OR5A1: variants seen among roughly 807,000 people sequenced by gnomAD.
OR5A1 encodes olfactory receptor family 5 subfamily A member 1.
A neutral mutation model predicts 6.7 loss-of-function variants in OR5A1; 6 were observed. The observed-to-expected ratio is 0.89, with a 90% confidence interval of 0.49 to 1.76. The LOEUF is 1.76. Ranked by LOEUF, OR5A1 falls within the 40% of genes most tolerant of loss-of-function variation. The probability of loss-of-function intolerance (pLI) is 0.01; values close to 1 mark genes in which losing one functional copy is unlikely to be tolerated. For synonymous variants in OR5A1, 170 were observed against 155.0 expected, an observed-to-expected ratio of 1.10 and a Z score of -0.72; for missense variants, 378 against 381.7, an observed-to-expected ratio of 0.99 and a Z score of 0.08.
In OR5A1 at chr11:59,443,720, C is replaced by T. The variant is rs1340579158; in HGVS notation, c.552C>T (p.Leu184=). 2 of 1,614,076 alleles carry T rather than the reference C, an allele frequency of 1.2e-6. No individual in the cohort carries two copies. Among genetic ancestry groups the T allele is most frequent in the Admixed American group, 1.7e-5 (1 of 60,026 alleles). ...PNIINHFFCD[L]PPVLALSCSD... is the part of the protein sequence containing the mutation. Reference sequence around the variant, plus strand: ...TCATCAACCACTTCTTCTGCGACCTCCCACCAGTCCTGGCTCTGTCTTGCT... The same window carrying T: ...TCATCAACCACTTCTTCTGCGACCTTCCACCAGTCCTGGCTCTGTCTTGCT... The change falls in exon 2 of 2, where the codon CTC becomes CTT. Residue 184 remains leucine, a synonymous_variant. Transcript: ENST00000641045.
At chr11:59,437,313 CCT>C (rs745818441) in intron 1 of OR5A1, among the ~76,000 whole-genome samples, 3 of 152,112 alleles carry the variant, frequency 2.0e-5, no homozygotes, top group Non-Finnish European at 4.4e-5. Context: ...TCCTAAAAAC[CCT>C]CTGTGCTCTC....
chr11:59,438,577 G>C (rs2134533886), intron 1 of OR5A1, among the ~76,000 whole-genome samples: 1 of 152,146 alleles, frequency 6.6e-6, no homozygotes, highest in Non-Finnish European at 1.5e-5. Context: ...GCCCAATATT[G>C]GTTCTTCTCT....
chr11:59,450,607 T>C lies in OR5A1; in HGVS notation c.*6491T>C, dbSNP rs2134542643. The C allele has an allele frequency of 6.6e-6, 1 of 152,316 alleles. No homozygotes were observed. Among genetic ancestry groups the C allele is most frequent in the East Asian group, 1.9e-4 (1 of 5,184 alleles). The allele number at this position is 152,316 out of a possible 1,614,324, so 9.4% of individuals were successfully genotyped here. On this transcript the variant is annotated 3_prime_UTR_variant, in exon 2 of 2. Transcript: ENST00000641045. ...TTCTGATTTTCATAATCAGAAGCCA[T>C]TTAAAATCATTTTTTTAATTAGACA...
chr11:59,444,151 GAGAATT>G lies in OR5A1; in HGVS notation c.*37_*42del. On this transcript the variant is annotated 3_prime_UTR_variant, in exon 2 of 2. Coordinates refer to ENST00000641045, the MANE Select transcript of OR5A1 (RefSeq NM_001004728.2). ...AGAAACTTATTTATCCAAACTGCTG[GAGAATT>G]AAACAATCCAAGCCTTCACCTCCAC... 6.9e-7 allele frequency: 1 copy of G among 1,444,112 alleles called. No homozygotes were observed. The highest frequency in any genetic ancestry group is 9.6e-7 in the Non-Finnish European group (1 of 1,039,272). The allele number at this position is 1,444,112 out of a possible 1,614,324, so 89.5% of individuals were successfully genotyped here. A position where few individuals can be genotyped will look rare whatever the true frequency, so the allele number is the denominator to read the frequency against.
Position 59,445,944 on chromosome 11 carries a change from G to T in OR5A1, c.*1828G>T, listed in dbSNP as rs191498681. 9.9e-5 allele frequency: 15 copies of T among 152,208 alleles called. No homozygotes were observed. In the East Asian group the frequency reaches 2.9e-3, roughly 29 times the overall value. The allele number at this position is 152,208 out of a possible 1,614,324, so 9.4% of individuals were successfully genotyped here. On this transcript the variant is annotated 3_prime_UTR_variant, in exon 2 of 2. Transcript: ENST00000641045. ...TTTTCTCCCATTCTGTAGGTTGTCTGTTCATTCTAATGATAGCTTCTTTTG... is the reference window on the plus strand; with the variant it reads ...TTTTCTCCCATTCTGTAGGTTGTCTTTTCATTCTAATGATAGCTTCTTTTG...
chr11:59,443,777 C>A lies in OR5A1; in HGVS notation c.609C>A (p.Phe203Leu). 6.2e-7 allele frequency: 1 copy of A among 1,614,118 alleles called. No individual in the cohort carries two copies. The highest frequency in any genetic ancestry group is 8.5e-7 in the Non-Finnish European group (1 of 1,180,016). The change falls in exon 2 of 2, where the codon TTC becomes TTA. Residue 203 changes from phenylalanine (F) to leucine (L), a missense_variant. Physicochemically the swap from Phe to Leu is conservative, Grantham distance 22. Transcript: ENST00000641045. ...SDTFLSQVVN[F>L]LVVVTVGGTS... Reference sequence around the variant, plus strand: ...CCTTCCTCAGTCAAGTGGTGAATTTCCTCGTGGTGGTCACTGTCGGAGGAA... The same window carrying A: ...CCTTCCTCAGTCAAGTGGTGAATTTACTCGTGGTGGTCACTGTCGGAGGAA...
At chr11:59,440,091 T>C (rs1373158092) in intron 1 of OR5A1, among the ~76,000 whole-genome samples, 1 of 152,140 alleles carries the variant, frequency 6.6e-6, no homozygotes, top group African/African-American at 2.4e-5. Flanking sequence ...TGAGACAAGG[T>C]CTCCCTTTGT....
At position 59,444,124 on chromosome 11, in the gene OR5A1, G is replaced by T. The variant is rs371898839; in HGVS notation, c.*8G>T. On this transcript the variant is annotated 3_prime_UTR_variant, in exon 2 of 2. Transcript: ENST00000641045. The stretch of plus-strand genomic sequence containing the variant: ...AAGAAAGTGTTTTCTTAGGTCATGC[G>T]TAGAAACTTATTTATCCAAACTGCT... 2 of 1,576,090 alleles carry T rather than the reference G, an allele frequency of 1.3e-6. No individual in the cohort carries two copies. Among genetic ancestry groups the T allele is most frequent in the Non-Finnish European group, 1.7e-6 (2 of 1,148,782 alleles).
rs1194330481 is a variant in OR5A1, at chr11:59,449,477, GAC to G, written c.*5365_*5366del. 2 of 152,066 alleles carry G rather than the reference GAC, an allele frequency of 1.3e-5. No homozygotes were observed. The highest frequency in any genetic ancestry group is 2.9e-5 in the Non-Finnish European group (2 of 68,020). The allele number at this position is 152,066 out of a possible 1,614,324, so 9.4% of individuals were successfully genotyped here. A position where few individuals can be genotyped will look rare whatever the true frequency, so the allele number is the denominator to read the frequency against. On this transcript the variant is annotated 3_prime_UTR_variant, in exon 2 of 2. Coordinates refer to ENST00000641045, the MANE Select transcript of OR5A1 (RefSeq NM_001004728.2). ...TAACCTAAAATACTGGGCTTCCTAA[GAC>G]ACATTCAAATAAGGTAATTTTTCAA...
Position 59,443,512 on chromosome 11 carries a change from GCCT to G in OR5A1, c.351_353del (p.Leu118del). ...TTTGTCGGCATGGGTCTGTCTGAGT[GCCT>G]CCTCCTGACTGCTATGGCATACGAC... On this transcript the variant is annotated inframe_deletion, in exon 2 of 2. Transcript: ENST00000641045. 1 of 1,613,904 alleles carries G rather than the reference GCCT, an allele frequency of 6.2e-7. No individual in the cohort carries two copies. The highest frequency in any genetic ancestry group is 2.2e-5 in the East Asian group (1 of 44,874).
chr11:59,443,994 G>T lies in OR5A1; in HGVS notation c.826G>T (p.Val276Leu), dbSNP rs2134538210. 2 of 1,614,128 alleles carry T rather than the reference G, an allele frequency of 1.2e-6. No homozygotes were observed. The highest frequency in any genetic ancestry group is 1.3e-5 in the African/African-American group (1 of 75,004). Reference sequence around the variant, plus strand: ...CAGCTACTTGCTAGGCAGGGACAAGGTGGTGTCTGTTTTCTATTCATTGGT... The same window carrying T: ...CAGCTACTTGCTAGGCAGGGACAAGTTGGTGTCTGTTTTCTATTCATTGGT... Reference protein sequence around the residue: ...SSSYLLGRDKVVSVFYSLVIP... With the variant: ...SSSYLLGRDKLVSVFYSLVIP... The change falls in exon 2 of 2, where the codon GTG (valine) becomes TTG (leucine). Residue 276 changes from valine (V) to leucine (L), a missense_variant. By Grantham distance (32) the Val-to-Leu change is conservative. Transcript: ENST00000641045.
In OR5A1 at chr11:59,443,733, G is replaced by A; in HGVS notation, c.565G>A (p.Ala189Thr). The A allele has an allele frequency of 6.2e-7, 1 of 1,614,020 alleles. No individual in the cohort carries two copies. Among genetic ancestry groups the A allele is most frequent in the Middle Eastern group, 1.6e-4 (1 of 6,062 alleles). The change falls in exon 2 of 2, where the codon GCT becomes ACT. Residue 189 changes from alanine to threonine, a missense_variant. Physicochemically the swap from Ala to Thr is moderately conservative, Grantham distance 58 (BLOSUM62 0). Transcript: ENST00000641045. ...CTTCTGCGACCTCCCACCAGTCCTG[G>A]CTCTGTCTTGCTCTGACACCTTCCT... The part of the protein sequence containing the change: ...HFFCDLPPVL[A>T]LSCSDTFLSQ...
In OR5A1 at chr11:59,443,576, C is replaced by T. The variant is rs768387584; in HGVS notation, c.408C>T (p.Pro136=). The change falls in exon 2 of 2, where the codon CCC becomes CCT. Residue 136 remains proline, a synonymous_variant. Coordinates refer to ENST00000641045, the MANE Select transcript of OR5A1 (RefSeq NM_001004728.2). ...CCATCTCCAGCCCCCTTCTCTACCC[C>T]ACTATCATGACCCAGGGCCTCTGTA... ...YAAISSPLLY[P]TIMTQGLCTR... is the part of the protein sequence containing the mutation. The T allele has an allele frequency of 1.2e-6, 2 of 1,614,090 alleles. No homozygotes were observed. Among genetic ancestry groups the T allele is most frequent in the Non-Finnish European group, 1.7e-6 (2 of 1,180,014 alleles).
rs539968540 is a variant in OR5A1 at position 59,444,933 on chromosome 11, A to G, written c.*817A>G. On this transcript the variant is annotated 3_prime_UTR_variant, in exon 2 of 2. Transcript: ENST00000641045. The stretch of plus-strand genomic sequence containing the variant: ...TCAGTCTCAGTCCCCTAAACTGCCT[A>G]TCAGTCAGTACCTCCTTGATTTTTC... 2 of 152,256 alleles carry G rather than the reference A, an allele frequency of 1.3e-5. No homozygotes were observed. The highest frequency in any genetic ancestry group is 4.1e-4 in the South Asian group (2 of 4,826). The allele number at this position is 152,256 out of a possible 1,614,324, so 9.4% of individuals were successfully genotyped here.
chr11:59,440,553 G>T (rs1215142116), intron 1 of OR5A1, among the ~76,000 whole-genome samples: 3 of 152,072 alleles, frequency 2.0e-5, no homozygotes, highest in Non-Finnish European at 4.4e-5. Context: ...AACCTGAATG[G>T]GTGCCCCCAG....
Position 59,448,709 on chromosome 11 carries a change from G to A in OR5A1, c.*4593G>A, listed in dbSNP as rs1439525735. 1 of 151,854 alleles carries A rather than the reference G, an allele frequency of 6.6e-6. No individual in the cohort carries two copies. The highest frequency in any genetic ancestry group is 1.9e-4 in the East Asian group (1 of 5,180). The allele number at this position is 151,854 out of a possible 1,614,324, so 9.4% of individuals were successfully genotyped here. ...GTTGTAAGTTCATGCTTGAGGGTGGGGTCACATCTGTCTCTTCACAAATAT... is the reference window on the plus strand; with the variant it reads ...GTTGTAAGTTCATGCTTGAGGGTGGAGTCACATCTGTCTCTTCACAAATAT... On this transcript the variant is annotated 3_prime_UTR_variant, in exon 2 of 2. Transcript: ENST00000641045.
intron 1 of OR5A1, among the ~76,000 whole-genome samples, chr11:59,439,382 G>T (rs866812329): frequency 2.6e-5 from 4 of 152,180 alleles, no homozygotes; most frequent in South Asian, 2.1e-4. Flanking sequence ...GAGCCTCTCA[G>T]ACTCTTCCTC....
intron 1 of OR5A1, among the ~76,000 whole-genome samples, chr11:59,439,122 T>A (rs2134534129): frequency 6.6e-6 from 1 of 152,318 alleles, no homozygotes. Context: ...CATCACAAAC[T>A]GTGTCTGTGA....
chr11:59,440,352 A>G (rs758244862), intron 1 of OR5A1, among the ~76,000 whole-genome samples: 15 of 152,340 alleles, frequency 9.8e-5, no homozygotes, highest in Admixed American at 2.0e-4. Context: ...GATTGTGGGC[A>G]TAAACCACCA....
Sources: gnomAD v4.1 joint callset for allele counts (sites outside exome capture counted in the v4.1 genomes callset) on GRCh38, gnomAD v4.1.1 for gene constraint, MANE v1.5 for transcripts, NCBI Gene and HGNC (gene_info 2026-07-23, HGNC 2026-07-21) for gene names.